Variants in SLC24A3 observed in about 807,000 individuals in gnomAD.
SLC24A3 encodes the protein solute carrier family 24 member 3, also known as sodium/potassium/calcium exchanger 3.
In SLC24A3, 28 loss-of-function variants were observed where a neutral mutation model predicts 75.8. The ratio of observed to expected loss-of-function variants is 0.37; its 90% CI spans 0.27 to 0.51. The LOEUF (loss-of-function observed/expected upper bound fraction) is 0.51, where lower values mean the gene tolerates loss of function less well. SLC24A3 is among the 20% of genes least tolerant of loss of function. The probability of loss-of-function intolerance (pLI) is 0.94; values close to 1 mark genes in which losing one functional copy is unlikely to be tolerated. For missense variants in SLC24A3, 663 were observed against 847.8 expected, an observed-to-expected ratio of 0.78 and a Z score of 2.71; for synonymous variants, 372 against 334.1, an observed-to-expected ratio of 1.11 and a Z score of -1.24.
intron 2 of SLC24A3, among the ~76,000 whole-genome samples, chr20:19,502,868 CAAAAAAA>C (rs368651686): frequency 4.8e-4 from 35 of 72,212 alleles, no homozygotes; most frequent in East Asian, 7.9e-4. Context: ...CTGTCTCTAC[CAAAAAAA>C]AAAAAAAAAA....
chr20:19,337,960 C>A (rs532146345), intron 2 of SLC24A3, among the ~76,000 whole-genome samples: 1 of 152,210 alleles, frequency 6.6e-6, no homozygotes, highest in East Asian at 1.9e-4. Flanking sequence ...AATTATCTTG[C>A]CCATATCAAG....
intron 6 of SLC24A3, among the ~76,000 whole-genome samples, chr20:19,608,234 C>T (rs988542684): frequency 6.6e-6 from 1 of 152,134 alleles, no homozygotes; most frequent in East Asian, 1.9e-4. Context: ...TAAACTTGTT[C>T]GTCTGAATTG....
At chr20:19,270,305 C>T (rs1235136282) in intron 1 of SLC24A3, among the ~76,000 whole-genome samples, 3 of 152,080 alleles carry the variant, frequency 2.0e-5, no homozygotes, top group Non-Finnish European at 4.4e-5. Context: ...GTGCCCACCC[C>T]AGACCTCCTT....
chr20:19,583,987 G>T, intron 4 of SLC24A3, among the ~76,000 whole-genome samples: 1 of 152,186 alleles, frequency 6.6e-6, no homozygotes, highest in Non-Finnish European at 1.5e-5. Flanking sequence ...GGGCCACACC[G>T]CCCCTCTCTG....
intron 3 of SLC24A3, among the ~76,000 whole-genome samples, chr20:19,576,683 C>G (rs903293517): frequency 1.3e-5 from 2 of 152,192 alleles, no homozygotes; most frequent in African/African-American, 4.8e-5. Flanking sequence ...CATTTCTCAT[C>G]CCCCTCGAAG....
At chr20:19,471,572 A>C (rs2122507201) in intron 2 of SLC24A3, among the ~76,000 whole-genome samples, 1 of 152,326 alleles carries the variant, frequency 6.6e-6, no homozygotes, top group African/African-American at 2.4e-5. Context: ...AAATACCCCC[A>C]TAATGGCCAA....
chr20:19,576,103 T>C (rs2031130638), intron 3 of SLC24A3, among the ~76,000 whole-genome samples: 1 of 152,094 alleles, frequency 6.6e-6, no homozygotes, highest in Non-Finnish European at 1.5e-5. Flanking sequence ...ACTCCCTGCC[T>C]CATATAATAT....
chr20:19,591,927 C>T (rs2031384059), intron 6 of SLC24A3, among the ~76,000 whole-genome samples: 1 of 152,216 alleles, frequency 6.6e-6, no homozygotes, highest in South Asian at 2.1e-4. Context: ...CAGATGCACT[C>T]TAGGTCTTGC....
rs188172823 is a variant in SLC24A3 at position 19,217,096 on chromosome 20, C to T, written c.142+4112C>T. On this transcript the variant is annotated intron_variant, in intron 1 of 16. Transcript: ENST00000328041. ...CTCCCTGAGAGCATGACATCTGGGT[C>T]GCAAGGGCGGATATCCCAAAAGGAC... 7.2e-5 allele frequency among the ~76,000 whole-genome samples: 11 copies of T among 152,322 alleles called. No homozygotes were observed. The South Asian group carries it at 1.9e-3, about 26-fold the overall frequency.
chr20:19,252,880 C>T (rs1213875115), intron 1 of SLC24A3, among the ~76,000 whole-genome samples: 2 of 152,202 alleles, frequency 1.3e-5, no homozygotes, highest in African/African-American at 4.8e-5. Flanking sequence ...GTGCTAAATT[C>T]TAAAGAGACA....
intron 2 of SLC24A3, among the ~76,000 whole-genome samples, chr20:19,379,133 A>C (rs1986138521): frequency 6.6e-6 from 1 of 152,158 alleles, no homozygotes; most frequent in Non-Finnish European, 1.5e-5. Context: ...GAGCGGTAAA[A>C]ATGTGCTCTA....
chr20:19,685,549 C>G (rs1477910684), intron 12 of SLC24A3, among the ~76,000 whole-genome samples, 188 bp downstream of exon 12: 1 of 152,126 alleles, frequency 6.6e-6, no homozygotes, highest in Admixed American at 6.5e-5. Flanking sequence ...AGATGGGGGT[C>G]CATGATCATT....
chr20:19,520,251 G>A (rs955698614), intron 3 of SLC24A3, among the ~76,000 whole-genome samples: 9 of 152,204 alleles, frequency 5.9e-5, no homozygotes, highest in Non-Finnish European at 1.2e-4. Context: ...TTTTCAATGT[G>A]CGTCTTCATT....
In SLC24A3 at chr20:19,212,819, AGGCCGCCGCCC is replaced by A. The variant is rs1010789587; in HGVS notation, c.-16_-6del. ...CGACAGGAGCGGCCGCCGCCCGCCG[AGGCCGCCGCCC>A]GGCCGCCCGAGGATGCGGCCGTCCG... On this transcript the variant is annotated 5_prime_UTR_variant, in exon 1 of 17. Coordinates refer to ENST00000328041, the MANE Select transcript of SLC24A3 (RefSeq NM_020689.4). 3 of 980,666 alleles carry A rather than the reference AGGCCGCCGCCC, an allele frequency of 3.1e-6. No individual in the cohort carries two copies. Among genetic ancestry groups the A allele is most frequent in the Non-Finnish European group, 3.6e-6 (3 of 828,746 alleles). 60.7% of individuals were successfully genotyped at this position (980,666 alleles called of 1,614,324 possible).
chr20:19,555,191 C>T (rs933796361), intron 3 of SLC24A3, among the ~76,000 whole-genome samples: 48 of 152,114 alleles, frequency 3.2e-4, no homozygotes, highest in African/African-American at 1.1e-3. Flanking sequence ...CTAAGAGACT[C>T]ACAAAGAGAA....
At chr20:19,477,112 A>G (rs191305391) in intron 2 of SLC24A3, among the ~76,000 whole-genome samples, 1 of 152,154 alleles carries the variant, frequency 6.6e-6, no homozygotes, top group African/African-American at 2.4e-5. Context: ...TTAACCAGGC[A>G]GACGCAAGCA....
At chr20:19,336,625 GC>G (rs1042127435) in intron 2 of SLC24A3, among the ~76,000 whole-genome samples, 55 of 151,276 alleles carry the variant, frequency 3.6e-4, no homozygotes, top group African/African-American at 1.1e-3. Context: ...GCCTCAATCT[GC>G]CCCCACTTGG....
intron 2 of SLC24A3, among the ~76,000 whole-genome samples, chr20:19,409,379 A>G (rs1986705141): frequency 6.6e-6 from 1 of 152,158 alleles, no homozygotes; most frequent in African/African-American, 2.4e-5. Flanking sequence ...TAGAGGCAGG[A>G]TGTTTCCCAT....
intron 8 of SLC24A3, among the ~76,000 whole-genome samples, chr20:19,672,193 T>C (rs7263080): frequency 0.21 from 31,892 of 152,092 alleles, 4,397 homozygotes; most frequent in Non-Finnish European, 0.3. Flanking sequence ...AAACGCAGTG[T>C]GCACAGCCCT....
Sources: gnomAD v4.1 joint callset for allele counts (sites outside exome capture counted in the v4.1 genomes callset) on GRCh38, gnomAD v4.1.1 for gene constraint, MANE v1.5 for transcripts, NCBI Gene and HGNC (gene_info 2026-07-23, HGNC 2026-07-21) for gene names.